The following TMEM108 variants were observed in gnomAD, a reference collection of about 807,000 sequenced individuals.
The protein encoded by TMEM108 is cancer/testis antigen 124.
A neutral mutation model predicts 35.1 loss-of-function variants in TMEM108; 12 were observed. The ratio of observed to expected loss-of-function variants is 0.34; its 90% CI spans 0.22 to 0.55. The LOEUF (loss-of-function observed/expected upper bound fraction) is 0.55, where lower values mean the gene tolerates loss of function less well. Ranked by LOEUF, TMEM108 falls within the 20% of genes least tolerant of loss-of-function variation. The pLI is 0.89. For missense variants in TMEM108, 680 were observed against 753.3 expected (o/e 0.90, Z 1.14); for synonymous variants, 287 against 308.6 (o/e 0.93, Z 0.73).
chr3:133,155,756 G>C (rs1227851154), intron 2 of TMEM108, among the ~76,000 whole-genome samples: 1 of 152,100 alleles, frequency 6.6e-6, no homozygotes, highest in Non-Finnish European at 1.5e-5. Context: ...ACCTTTGTCA[G>C]ATGTATAGTT....
At chr3:133,300,185 G>C (rs956823210) in intron 3 of TMEM108, among the ~76,000 whole-genome samples, 60 of 152,060 alleles carry the variant, frequency 3.9e-4, no homozygotes, top group Middle Eastern at 3.2e-3. Context: ...GGTATGGGGG[G>C]GTGGGTGGTG....
intron 5 of TMEM108, among the ~76,000 whole-genome samples, chr3:133,395,235 G>C (rs116759284): frequency 6.6e-6 from 1 of 152,184 alleles, no homozygotes; most frequent in Admixed American, 6.5e-5. Context: ...CAGAGATGCA[G>C]ATCCATTCAG....
intron 2 of TMEM108, among the ~76,000 whole-genome samples, chr3:133,163,757 C>T (rs187617171): frequency 7.7e-4 from 117 of 152,258 alleles, no homozygotes; most frequent in Admixed American, 2.5e-3. Flanking sequence ...TGCTCAGGGG[C>T]CTGAATCTAT....
intron 3 of TMEM108, among the ~76,000 whole-genome samples, chr3:133,337,505 C>G (rs1258976202): frequency 6.6e-6 from 1 of 152,176 alleles, no homozygotes; most frequent in Non-Finnish European, 1.5e-5. Flanking sequence ...CTTCAGGTGT[C>G]CCCTAACGCA....
chr3:133,389,916 T>TTGATGATGATGATGA (rs33928925), intron 4 of TMEM108, among the ~76,000 whole-genome samples: 14 of 151,216 alleles, frequency 9.3e-5, no homozygotes, highest in African/African-American at 3.2e-4. Context: ...ACAGGATTTT[T>TTGATGATGATGATGA]TGATGATGAT....
At chr3:133,221,071 A>T (rs774985698) in intron 2 of TMEM108, among the ~76,000 whole-genome samples, 3 of 152,214 alleles carry the variant, frequency 2.0e-5, no homozygotes, top group Non-Finnish European at 2.9e-5. Context: ...CTCTCAGCAT[A>T]TGGAAGTGTT....
intron 2 of TMEM108, among the ~76,000 whole-genome samples, chr3:133,093,714 C>T (rs888695966): frequency 4.6e-5 from 7 of 152,236 alleles, no homozygotes; most frequent in South Asian, 4.2e-4. Flanking sequence ...CTGATGGGGA[C>T]GGAGATGGAC....
At chr3:133,255,014 C>A (rs1159718129) in intron 3 of TMEM108, among the ~76,000 whole-genome samples, 3 of 152,184 alleles carry the variant, frequency 2.0e-5, no homozygotes, top group Admixed American at 2.0e-4. Context: ...GACTTCTTCA[C>A]AGTATGTTAA....
chr3:133,154,422 G>C (rs1386482676), intron 2 of TMEM108, among the ~76,000 whole-genome samples: 11 of 151,918 alleles, frequency 7.2e-5, no homozygotes, highest in Non-Finnish European at 1.2e-4. Flanking sequence ...TATGGTTTTA[G>C]GTCTAACATG....
At chr3:133,208,992 A>C (rs144327666) in intron 2 of TMEM108, among the ~76,000 whole-genome samples, 1 of 152,096 alleles carries the variant, frequency 6.6e-6, no homozygotes, top group Non-Finnish European at 1.5e-5. Flanking sequence ...TCTCAAAACT[A>C]TCTTGCAGTA....
chr3:133,281,568 G>A (rs1163617892), intron 3 of TMEM108, among the ~76,000 whole-genome samples: 1 of 152,228 alleles, frequency 6.6e-6, no homozygotes, highest in Non-Finnish European at 1.5e-5. Flanking sequence ...GGCTAAAAAA[G>A]TGATGAGCAG....
Position 133,395,923 on chromosome 3 carries a change from C to T in TMEM108, c.1665C>T (p.Val555=). The T allele has an allele frequency of 6.2e-7, 1 of 1,608,132 alleles. No individual in the cohort carries two copies. Among genetic ancestry groups the T allele is most frequent in the South Asian group, 1.1e-5 (1 of 90,134 alleles). Reference sequence around the variant, plus strand: ...GCGACTATAGAGACACTGGGATGGTCCTTGTTAACCCCTTCTGTCAAGAAA... The same window carrying T: ...GCGACTATAGAGACACTGGGATGGTTCTTGTTAACCCCTTCTGTCAAGAAA... ...ANGDYRDTGM[V]LVNPFCQETL... The change falls in exon 6 of 6, where the codon GTC becomes GTT. Residue 555 remains valine (V), a synonymous_variant. Transcript: ENST00000321871.
intron 3 of TMEM108, among the ~76,000 whole-genome samples, chr3:133,326,163 C>T (rs2071330316): frequency 6.6e-6 from 1 of 152,182 alleles, no homozygotes; most frequent in African/African-American, 2.4e-5. Context: ...TACTGACCAC[C>T]TGCCACTTCC....
At chr3:133,164,644 G>A (rs956004013) in intron 2 of TMEM108, among the ~76,000 whole-genome samples, 1 of 152,172 alleles carries the variant, frequency 6.6e-6, no homozygotes, top group Admixed American at 6.5e-5. Context: ...CACTGCGCTT[G>A]GCACTGCTGA....
At chr3:133,288,853 A>G (rs114402805) in intron 3 of TMEM108, among the ~76,000 whole-genome samples, 15 of 152,210 alleles carry the variant, frequency 9.9e-5, no homozygotes, top group African/African-American at 3.6e-4. Context: ...TTCCTGTCTC[A>G]GCCTCCCAAC....
At chr3:133,105,399 G>A (rs1008267025) in intron 2 of TMEM108, among the ~76,000 whole-genome samples, 15 of 152,186 alleles carry the variant, frequency 9.9e-5, no homozygotes, top group African/African-American at 1.7e-4. Flanking sequence ...CTTCTGCCTC[G>A]TCTTTTTTGC....
chr3:133,305,530 A>ATATT (rs1382136582), intron 3 of TMEM108, among the ~76,000 whole-genome samples: 3 of 151,888 alleles, frequency 2.0e-5, no homozygotes, highest in Non-Finnish European at 2.9e-5. Context: ...AAATAAATAA[A>ATATT]TAAATAAAAG....
intron 2 of TMEM108, among the ~76,000 whole-genome samples, chr3:133,215,011 G>A (rs1051536818): frequency 6.6e-6 from 1 of 152,082 alleles, no homozygotes. Flanking sequence ...GGCTGCTATT[G>A]TATATAGTCT....
At position 133,258,580 on chromosome 3, in the gene TMEM108, G is replaced by A. The variant is rs1454301287; in HGVS notation, c.40+29229G>A. Among the ~76,000 whole-genome samples, 4 of 152,320 alleles carry A rather than the reference G, an allele frequency of 2.6e-5. No individual in the cohort carries two copies. The East Asian group carries it at 7.7e-4, about 29-fold the overall frequency. ...GCCAGCTCATCTCCCTGTCCCTGCAGCTCAGAGGGCAGAGAGGTGCATTCC... is the reference window on the plus strand; with the variant it reads ...GCCAGCTCATCTCCCTGTCCCTGCAACTCAGAGGGCAGAGAGGTGCATTCC... On this transcript the variant is annotated intron_variant, in intron 3 of 5. Coordinates refer to ENST00000321871, the MANE Select transcript of TMEM108 (RefSeq NM_023943.4).
Sources: gnomAD v4.1 joint callset for allele counts (sites outside exome capture counted in the v4.1 genomes callset) on GRCh38, gnomAD v4.1.1 for gene constraint, MANE v1.5 for transcripts, NCBI Gene and HGNC (gene_info 2026-07-23, HGNC 2026-07-21) for gene names.